Variants in SRRM1 observed in about 807,000 individuals in gnomAD.
SRRM1 encodes serine/arginine repetitive matrix protein 1.
In SRRM1, 19 loss-of-function variants were observed where a neutral mutation model predicts 110.2. That is an observed-to-expected ratio of 0.17 (90% confidence interval 0.12 to 0.25). The LOEUF (loss-of-function observed/expected upper bound fraction) is 0.25. Ranked by LOEUF, SRRM1 falls within the 10% of genes least tolerant of loss-of-function variation. The probability of loss-of-function intolerance (pLI) is 1.00; values close to 1 mark genes in which losing one functional copy is unlikely to be tolerated. For missense variants in SRRM1, 918 were observed against 1,145.8 expected (o/e 0.80, Z 2.87); for synonymous variants, 443 against 414.9 (o/e 1.07, Z -0.82).
rs371061912 is a variant in SRRM1 at position 24,644,260 on chromosome 1, C to G, written c.21+913C>G. Among the ~76,000 whole-genome samples, 9 of 152,196 alleles carry G rather than the reference C, an allele frequency of 5.9e-5. No individual in the cohort carries two copies. In the East Asian group the frequency reaches 1.7e-3, roughly 29 times the overall value. ...GCTGGAGCCTGTGTGTCCCATAGTC[C>G]CCTCCTGTAGGAAATTAGTACTAGA... On this transcript the variant is annotated intron_variant, in intron 1 of 16. Transcript: ENST00000323848.
rs781128158 is a variant in SRRM1, at chr1:24,669,456, T to G, written c.2073T>G (p.Pro691=). 6.2e-7 allele frequency: 1 copy of G among 1,614,040 alleles called. No homozygotes were observed. The highest frequency in any genetic ancestry group is 8.5e-7 in the Non-Finnish European group (1 of 1,179,978). ...RHSPSPRPRA[P]QTSSSPPPVR... ...CGCCCTCACCACGGCCTCGAGCTCC[T>G]CAGACCTCCTCAAGTCCTCCACCCG... Residue 691 remains proline, a synonymous_variant, in exon 14 of 17, where the codon CCT becomes CCG. Coordinates refer to ENST00000323848, the MANE Select transcript of SRRM1 (RefSeq NM_005839.4).
At chr1:24,668,639 T>C (rs1159020009) in intron 13 of SRRM1, among the ~76,000 whole-genome samples, 1 of 152,202 alleles carries the variant, frequency 6.6e-6, no homozygotes, top group Non-Finnish European at 1.5e-5. Context: ...CAGTGAACTC[T>C]TAATTATTCA....
chr1:24,646,920 C>T, intron 3 of SRRM1, 131 bp downstream of exon 3: 1 of 736,480 alleles, frequency 1.4e-6, no homozygotes, highest in Non-Finnish European at 2.1e-6. Flanking sequence ...AAAGAATTCA[C>T]TTTGTAAACA....
At chr1:24,644,006 G>A (rs538148932) in intron 1 of SRRM1, among the ~76,000 whole-genome samples, 35 of 152,188 alleles carry the variant, frequency 2.3e-4, no homozygotes, top group Admixed American at 9.8e-4. Flanking sequence ...GAGGGTAGAG[G>A]GTGCAACGAA....
chr1:24,646,266 G>A (rs1026363258), intron 2 of SRRM1, among the ~76,000 whole-genome samples, 193 bp downstream of exon 2: 7 of 152,186 alleles, frequency 4.6e-5, no homozygotes, highest in Non-Finnish European at 7.3e-5. Context: ...GGTGGCTCAC[G>A]CCTGTAATCC....
chr1:24,670,885 A>G (rs1173927447), intron 15 of SRRM1, among the ~76,000 whole-genome samples: 1 of 151,958 alleles, frequency 6.6e-6, no homozygotes, highest in African/African-American at 2.4e-5. Context: ...TTTTTGCATA[A>G]ATTTGGTATG....
chr1:24,671,155 G>A (rs921900209), intron 15 of SRRM1, among the ~76,000 whole-genome samples: 4 of 152,160 alleles, frequency 2.6e-5, no homozygotes, highest in Admixed American at 2.6e-4. Flanking sequence ...ATTTGTCTAA[G>A]GTCAAATAGT....
At chr1:24,653,263 T>A (rs937994776) in intron 8 of SRRM1, among the ~76,000 whole-genome samples, 4 of 152,220 alleles carry the variant, frequency 2.6e-5, no homozygotes, top group Non-Finnish European at 5.9e-5. Context: ...TTGATACTTT[T>A]CTGTTAACTT....
chr1:24,662,238 A>G (rs1570973717), intron 11 of SRRM1, among the ~76,000 whole-genome samples: 2 of 152,352 alleles, frequency 1.3e-5, no homozygotes, highest in Middle Eastern at 6.8e-3. Context: ...ACTTGAGGTC[A>G]GGAGTTCGAG....
chr1:24,672,311 A>G lies in SRRM1; in HGVS notation c.*25A>G. Reference sequence around the variant, plus strand: ...GGGGGAAATGTTTGTTATGATGTAAATTTTATTTGGTTTGTACGCAGTTCA... The same window carrying G: ...GGGGGAAATGTTTGTTATGATGTAAGTTTTATTTGGTTTGTACGCAGTTCA... On this transcript the variant is annotated 3_prime_UTR_variant, in exon 17 of 17. Transcript: ENST00000323848. The G allele has an allele frequency of 6.5e-7, 1 of 1,528,160 alleles. No individual in the cohort carries two copies. The highest frequency in any genetic ancestry group is 8.9e-7 in the Non-Finnish European group (1 of 1,119,774). The allele number at this position is 1,528,160 out of a possible 1,614,324, so 94.7% of individuals were successfully genotyped here.
chr1:24,669,697 A>C, intron 14 of SRRM1, 110 bp downstream of exon 14: 1 of 885,378 alleles, frequency 1.1e-6, no homozygotes, highest in Non-Finnish European at 1.7e-6. Flanking sequence ...TGAGCTTTTA[A>C]GTCAAACTTG....
At position 24,656,348 on chromosome 1, in the gene SRRM1, T is replaced by A. The variant is rs370687961; in HGVS notation, c.1315+1219T>A. The stretch of plus-strand genomic sequence containing the variant: ...TGATAGTCTGTAAAAAGTAATGTTT[T>A]CTGAATTGTGACATTTTTATTGTAG... On this transcript the variant is annotated intron_variant, in intron 9 of 16. Transcript: ENST00000323848. Among the ~76,000 whole-genome samples the A allele has an allele frequency of 1.8e-4, 28 of 152,316 alleles. No individual in the cohort carries two copies. The East Asian group carries it at 3.3e-3, about 18-fold the overall frequency.
At chr1:24,644,279 T>C (rs140437621) in intron 1 of SRRM1, among the ~76,000 whole-genome samples, 116 of 152,280 alleles carry the variant, frequency 7.6e-4, no homozygotes, top group African/African-American at 2.6e-3. Context: ...AGGAAATTAG[T>C]ACTAGATCAA....
At chr1:24,654,417 G>A in intron 8 of SRRM1, 1 of 1,131,578 alleles carries the variant, frequency 8.8e-7, no homozygotes, top group South Asian at 1.3e-5. Context: ...CTAAGTTTAT[G>A]TAGCTAAATG....
At chr1:24,646,205 C>G in intron 2 of SRRM1, 132 bp downstream of exon 2, 1 of 670,786 alleles carries the variant, frequency 1.5e-6, no homozygotes, top group Non-Finnish European at 2.6e-6. Flanking sequence ...CACCTTTTAG[C>G]CACCACACGT....
intron 15 of SRRM1, 124 bp downstream of exon 15, chr1:24,670,439 A>G: frequency 1.0e-6 from 1 of 971,964 alleles, no homozygotes; most frequent in Middle Eastern, 2.2e-4. Flanking sequence ...TTTGTGAGTT[A>G]TACATCTGAT....
At chr1:24,660,852 T>A in intron 10 of SRRM1, 53 bp downstream of exon 10, 1 of 1,343,748 alleles carries the variant, frequency 7.4e-7, no homozygotes, top group Non-Finnish European at 1.0e-6. Flanking sequence ...TTGTTTTTCT[T>A]AAAGCTGATT....
In SRRM1 at chr1:24,672,171, G is replaced by A; in HGVS notation, c.2611-11G>A. The A allele has an allele frequency of 2.5e-6, 4 of 1,594,430 alleles. No homozygotes were observed. Among genetic ancestry groups the A allele is most frequent in the Non-Finnish European group, 3.4e-6 (4 of 1,166,892 alleles). Reference sequence around the variant, plus strand: ...CTCAAGACTTAACCGTGTAAATTCTGTTTTTTTTAGGAGACTGAAAGTGAA... The same window carrying A: ...CTCAAGACTTAACCGTGTAAATTCTATTTTTTTTAGGAGACTGAAAGTGAA... On this transcript the variant is annotated splice_polypyrimidine_tract_variant and intron_variant, in intron 16 of 16. Transcript: ENST00000323848.
intron 9 of SRRM1, among the ~76,000 whole-genome samples, 164 bp from the exon 10 acceptor site, chr1:24,660,555 C>T (rs894385904): frequency 6.6e-5 from 10 of 152,084 alleles, no homozygotes; most frequent in African/African-American, 2.4e-4. Context: ...GAGGCTCAGG[C>T]AGGAGGATTG....
Sources: gnomAD v4.1 joint callset for allele counts (sites outside exome capture counted in the v4.1 genomes callset) on GRCh38, gnomAD v4.1.1 for gene constraint, MANE v1.5 for transcripts, NCBI Gene and HGNC (gene_info 2026-07-23, HGNC 2026-07-21) for gene names.